PIK3CD: variants seen among roughly 807,000 people sequenced by gnomAD.
The protein encoded by PIK3CD is phosphatidylinositol-4,5-bisphosphate 3-kinase catalytic subunit delta.
PIK3CD carries 20 observed loss-of-function variants against 122.9 expected under a neutral mutation model. The ratio of observed to expected loss-of-function variants is 0.16; its 90% CI spans 0.11 to 0.24. The LOEUF is 0.24. PIK3CD is among the 10% of genes least tolerant of loss of function. The pLI is 1.00. For synonymous variants in PIK3CD, 596 were observed against 593.4 expected (o/e 1.00, Z -0.06); for missense variants, 787 against 1,406.3 (o/e 0.56, Z 7.04).
intron 2 of PIK3CD, among the ~76,000 whole-genome samples, chr1:9,708,397 G>A (rs539244548): frequency 6.6e-6 from 1 of 152,022 alleles, no homozygotes; most frequent in African/African-American, 2.4e-5. Context: ...GGCCAGGCTG[G>A]TCTCGAACTC....
rs772119200 is a variant in PIK3CD, at chr1:9,728,975, G to A, written c.*1929G>A. On this transcript the variant is annotated 3_prime_UTR_variant, in exon 24 of 24. Coordinates refer to ENST00000377346, the MANE Select transcript of PIK3CD (RefSeq NM_005026.5). ...TCGGCTCAAAAAGAAACAAGGGAGT[G>A]TAGGTTTAAAACCAAAACAGGAGAG... The A allele has an allele frequency of 5.3e-5, 8 of 152,222 alleles. No homozygotes were observed. The highest frequency in any genetic ancestry group is 1.0e-4 in the Non-Finnish European group (7 of 68,040). 9.4% of individuals were successfully genotyped at this position (152,222 alleles called of 1,614,324 possible). A position where few individuals can be genotyped will look rare whatever the true frequency, so the allele number is the denominator to read the frequency against.
In PIK3CD at chr1:9,720,608, C is replaced by T; in HGVS notation, c.1471-3C>T. 1 of 1,536,336 alleles carries T rather than the reference C, an allele frequency of 6.5e-7. No homozygotes were observed. ...GGACGCTGAGTGCAGCCGTTTGTTGCAGATCTTGGAGCTGGGGCGACACAG... is the reference window on the plus strand; with the variant it reads ...GGACGCTGAGTGCAGCCGTTTGTTGTAGATCTTGGAGCTGGGGCGACACAG... On this transcript the variant is annotated splice_region_variant and splice_polypyrimidine_tract_variant and intron_variant, in intron 11 of 23. Transcript: ENST00000377346. The surrounding 1 kb of genome is among the most constrained non-coding windows in gnomAD (Gnocchi z 9.0).
rs554743340 is a variant in PIK3CD at position 9,723,186 on chromosome 1, C to G, written c.2488C>G (p.Arg830Gly). ...CACAGGCCTCATTGAGGTGGTACTC[C>G]GTTCAGACACCATCGCCAACATCCA... ...DRTGLIEVVL[R>G]SDTIANIQLN... The change falls in exon 20 of 24, where the codon CGT (arginine) becomes GGT (glycine). Residue 830 changes from arginine to glycine, a missense_variant. Around this residue, in one of 6 missense-constraint regions of PIK3CD, gnomAD observed 69 missense variants for 166.8 expected, o/e 0.41. Transcript: ENST00000377346. The surrounding 1 kb of genome is among the most constrained non-coding windows in gnomAD (Gnocchi z 4.9). 1 of 1,613,708 alleles carries G rather than the reference C, an allele frequency of 6.2e-7. No homozygotes were observed. Among genetic ancestry groups the G allele is most frequent in the Non-Finnish European group, 8.5e-7 (1 of 1,180,038 alleles).
chr1:9,663,230 G>C (rs552763659), intron 1 of PIK3CD, among the ~76,000 whole-genome samples: 1 of 152,288 alleles, frequency 6.6e-6, no homozygotes, highest in East Asian at 1.9e-4. Context: ...AGTCCCCAGG[G>C]CTACCAGCCT....
chr1:9,722,620 C>T lies in PIK3CD; in HGVS notation c.2426+14C>T. On this transcript the variant is annotated intron_variant, in intron 19 of 23. Coordinates refer to ENST00000377346, the MANE Select transcript of PIK3CD (RefSeq NM_005026.5). This position sits in a 1 kb window ranked among gnomAD's most constrained non-coding sequence, Gnocchi z 7.6. ...GCTGGACCTGAGGTGAGGACCCCCA[C>T]CCCACATCGTCCCTTGGTGTCTGTG... 1.9e-6 allele frequency: 3 copies of T among 1,607,352 alleles called. No individual in the cohort carries two copies. Among genetic ancestry groups the T allele is most frequent in the Non-Finnish European group, 2.6e-6 (3 of 1,174,178 alleles).
At chr1:9,709,005 A>G (rs1359053998) in intron 2 of PIK3CD, among the ~76,000 whole-genome samples, 1 of 151,584 alleles carries the variant, frequency 6.6e-6, no homozygotes, top group Admixed American at 6.6e-5. Context: ...GGTGGGTATG[A>G]CTGGAGGGTT....
Position 9,724,804 on chromosome 1 carries a change from G to T in PIK3CD, c.2865G>T (p.Arg955=). ...GKTNNSEKFE[R]FRGYCERAYT... ...CACTTCCTCTGTCCCCTACCTGCAG[G>T]TTCCGGGGCTACTGTGAAAGGGCCT... Residue 955 remains arginine (R), a splice_region_variant and synonymous_variant, in exon 23 of 24, where the codon CGG becomes CGT. Transcript: ENST00000377346. This position sits in a 1 kb window ranked among gnomAD's most constrained non-coding sequence, Gnocchi z 7.3. The T allele has an allele frequency of 6.2e-7, 1 of 1,612,878 alleles. No individual in the cohort carries two copies. Among genetic ancestry groups the T allele is most frequent in the South Asian group, 1.1e-5 (1 of 91,042 alleles).
intron 1 of PIK3CD, among the ~76,000 whole-genome samples, chr1:9,658,521 A>ATTTTTTTTTTTTTT (rs1165670404): frequency 2.2e-5 from 2 of 91,206 alleles, no homozygotes; most frequent in African/African-American, 5.2e-5. Context: ...TCCCAGCCAC[A>ATTTTTTTTTTTTTT]TTTTTTTTTT....
At chr1:9,725,460 C>T (rs1470388377) in intron 23 of PIK3CD, among the ~76,000 whole-genome samples, 2 of 151,968 alleles carry the variant, frequency 1.3e-5, no homozygotes, top group Non-Finnish European at 2.9e-5. Context: ...GAGGCTGAGG[C>T]AGGAGAATCG....
At chr1:9,721,713 G>C (rs374128968) in intron 15 of PIK3CD, 48 bp from the exon 16 acceptor site, 402 of 1,605,188 alleles carry the variant, frequency 2.5e-4, no homozygotes, top group Non-Finnish European at 3.2e-4. Flanking sequence ...GGCGGGAGGG[G>C]CTGCGTGGTG....
the PIK3CD span, among the ~76,000 whole-genome samples, chr1:9,639,020 T>C: frequency 3.9e-5 from 6 of 151,988 alleles, no homozygotes; most frequent in Admixed American, 3.3e-4. Context: ...GCCCACCTTG[T>C]CCTCCCAAAA....
At chr1:9,708,831 C>CA (rs1224824748) in intron 2 of PIK3CD, among the ~76,000 whole-genome samples, 1 of 151,542 alleles carries the variant, frequency 6.6e-6, no homozygotes, top group Non-Finnish European at 1.5e-5. Context: ...GACTCTGTTT[C>CA]AAAAAAATAA....
intron 1 of PIK3CD, among the ~76,000 whole-genome samples, chr1:9,671,556 G>A (rs1411947291): frequency 6.6e-6 from 1 of 152,162 alleles, no homozygotes; most frequent in African/African-American, 2.4e-5. Context: ...GGTGTAGTAA[G>A]CTTTATTCAT....
At chr1:9,649,101 C>CAACAAACAAACAAACAAACAAACA (rs57842154), upstream of PIK3CD, among the ~76,000 whole-genome samples, 1 of 149,630 alleles carries the variant, frequency 6.7e-6, no homozygotes, top group Non-Finnish European at 1.5e-5. Context: ...GACCCTGTCT[C>CAACAAACAAACAAACAAACAAACA]AACAAACAAA....
intron 1 of PIK3CD, among the ~76,000 whole-genome samples, chr1:9,670,438 C>T (rs529208135): frequency 1.3e-5 from 2 of 152,256 alleles, no homozygotes; most frequent in Admixed American, 1.3e-4. Context: ...TCCAGCAGGA[C>T]CGTGTTTTGA....
chr1:9,665,861 C>G (rs1645143452), intron 1 of PIK3CD, among the ~76,000 whole-genome samples: 1 of 152,042 alleles, frequency 6.6e-6, no homozygotes, highest in African/African-American at 2.4e-5. Flanking sequence ...TCAAGCTATT[C>G]TTCTGCCTCA....
chr1:9,646,985 C>G (rs1644615303), upstream of PIK3CD, among the ~76,000 whole-genome samples: 1 of 150,954 alleles, frequency 6.6e-6, no homozygotes, highest in Admixed American at 6.6e-5. Context: ...GTGGCGGGCG[C>G]CTGTAGTCCC....
At chr1:9,660,248 A>G (rs567926263) in intron 1 of PIK3CD, among the ~76,000 whole-genome samples, 1 of 152,334 alleles carries the variant, frequency 6.6e-6, no homozygotes, top group South Asian at 2.1e-4. Flanking sequence ...CCCGATGGAC[A>G]CTTCTGTTGC....
At position 9,707,916 on chromosome 1, in the gene PIK3CD, C is replaced by T. The variant is rs548955914; in HGVS notation, c.-32-2508C>T. On this transcript the variant is annotated intron_variant, in intron 2 of 23. Coordinates refer to ENST00000377346, the MANE Select transcript of PIK3CD (RefSeq NM_005026.5). ...TCATGCCATTCTCCTGCCTCAGCCT[C>T]CCAAGTAGCTGGGACTATGGGTGCC... Among the ~76,000 whole-genome samples, 742 of 151,690 alleles carry T rather than the reference C, an allele frequency of 4.9e-3. 6 individuals are homozygous for T. Among genetic ancestry groups the T allele is most frequent in the Admixed American group, 4.8e-3 (73 of 15,242 alleles).
Sources: gnomAD v4.1 joint callset for allele counts (sites outside exome capture counted in the v4.1 genomes callset) on GRCh38, gnomAD v4.1.1 for gene constraint, gnomAD v4.1.1 regional missense constraint, Gnocchi (gnomAD v3.1) non-coding constraint, MANE v1.5 for transcripts, NCBI Gene and HGNC (gene_info 2026-07-23, HGNC 2026-07-21) for gene names.